Variants in PLPPR5 observed in about 807,000 individuals in gnomAD.
The protein encoded by PLPPR5 is phospholipid phosphatase-related protein type 5.
PLPPR5 carries 16 observed loss-of-function variants against 33.9 expected under a neutral mutation model. That is an observed-to-expected ratio of 0.47 (90% CI 0.32 to 0.72). The LOEUF (loss-of-function observed/expected upper bound fraction) is 0.72. Ranked by LOEUF, PLPPR5 falls within the 30% of genes least tolerant of loss-of-function variation. The probability of loss-of-function intolerance (pLI) is 0.03; values close to 1 mark genes in which losing one functional copy is unlikely to be tolerated. For synonymous variants in PLPPR5, 163 were observed against 150.3 expected, an observed-to-expected ratio of 1.08 and a Z score of -0.62; for missense variants, 301 against 406.7, an observed-to-expected ratio of 0.74 and a Z score of 2.23.
At chr1:98,970,999 T>A (rs1334550129) in intron 1 of PLPPR5, among the ~76,000 whole-genome samples, 1 of 152,146 alleles carries the variant, frequency 6.6e-6, no homozygotes, top group African/African-American at 2.4e-5. Flanking sequence ...TAAAAAATGC[T>A]TGATAAACCA....
chr1:98,947,333 C>A (rs1322709637), intron 3 of PLPPR5, among the ~76,000 whole-genome samples: 1 of 152,064 alleles, frequency 6.6e-6, no homozygotes, highest in African/African-American at 2.4e-5. Context: ...ACTGAAGAAC[C>A]AGAAAACCAT....
intron 3 of PLPPR5, among the ~76,000 whole-genome samples, chr1:98,938,175 T>G (rs1359310900): frequency 6.6e-6 from 1 of 152,046 alleles, no homozygotes; most frequent in Admixed American, 6.6e-5. Context: ...AAAAAAGACA[T>G]GATAGCATAG....
chr1:99,000,782 A>G (rs2100768982), intron 1 of PLPPR5, among the ~76,000 whole-genome samples: 1 of 152,238 alleles, frequency 6.6e-6, no homozygotes, highest in African/African-American at 2.4e-5. Context: ...TTCTGTCATA[A>G]TTACTTATAT....
chr1:98,961,908 G>T (rs1403653930), intron 1 of PLPPR5, among the ~76,000 whole-genome samples: 1 of 152,084 alleles, frequency 6.6e-6, no homozygotes, highest in Non-Finnish European at 1.5e-5. Flanking sequence ...CTCCACTAAG[G>T]AATCCTAAAT....
At chr1:98,985,309 T>A (rs1300989029) in intron 1 of PLPPR5, among the ~76,000 whole-genome samples, 1 of 152,046 alleles carries the variant, frequency 6.6e-6, no homozygotes, top group Non-Finnish European at 1.5e-5. Context: ...TATGCTGTTT[T>A]TCAGGTGCCC....
In PLPPR5 at chr1:98,921,982, A is replaced by G. The variant is rs1649571827; in HGVS notation, c.698T>C (p.Leu233Ser). 2 of 1,614,080 alleles carry G rather than the reference A, an allele frequency of 1.2e-6. No individual in the cohort carries two copies. The highest frequency in any genetic ancestry group is 1.7e-6 in the Non-Finnish European group (2 of 1,179,966). Residue 233 changes from leucine (L) to serine (S), a missense_variant, in exon 4 of 6, where the codon TTG becomes TCG. Physicochemically the swap from Leu to Ser is moderately radical, Grantham distance 145. Coordinates refer to ENST00000263177, the MANE Select transcript of PLPPR5 (RefSeq NM_001037317.2). The part of the protein sequence containing the change: ...KPVLCLGLMC[L>S]AFLTGLNRVA... ...TCTGTTGAGTCCAGTAAGAAATGCC[A>G]AACACATTAAGCCCAAGCATAGAAC...
chr1:98,997,548 G>A (rs1288093089), intron 1 of PLPPR5, among the ~76,000 whole-genome samples: 1 of 152,114 alleles, frequency 6.6e-6, no homozygotes, highest in Non-Finnish European at 1.5e-5. Flanking sequence ...AATACTCAGA[G>A]CTTATTGAAA....
chr1:98,943,521 G>A (rs2101195795), intron 3 of PLPPR5, among the ~76,000 whole-genome samples: 1 of 152,308 alleles, frequency 6.6e-6, no homozygotes, highest in Middle Eastern at 3.4e-3. Flanking sequence ...CCAGGCCAAA[G>A]TCTGGCTGAA....
chr1:98,899,591 T>A (rs1648609469), intron 5 of PLPPR5, among the ~76,000 whole-genome samples: 1 of 152,070 alleles, frequency 6.6e-6, no homozygotes, highest in African/African-American at 2.4e-5. Flanking sequence ...TTATATGTCA[T>A]GCTTAGAGTT....
At chr1:98,997,500 A>G (rs1404311316) in intron 1 of PLPPR5, among the ~76,000 whole-genome samples, 1 of 152,240 alleles carries the variant, frequency 6.6e-6, no homozygotes, top group Non-Finnish European at 1.5e-5. Context: ...ATTTCAAAGT[A>G]CAAAATGAAC....
At chr1:98,995,323 G>T (rs901227327) in intron 1 of PLPPR5, among the ~76,000 whole-genome samples, 39 of 152,106 alleles carry the variant, frequency 2.6e-4, no homozygotes, top group African/African-American at 8.4e-4. Flanking sequence ...GGTGAAGGGT[G>T]AGAGGAGGGT....
At chr1:98,988,531 A>G (rs1265796949) in intron 1 of PLPPR5, among the ~76,000 whole-genome samples, 1 of 152,112 alleles carries the variant, frequency 6.6e-6, no homozygotes, top group Non-Finnish European at 1.5e-5. Flanking sequence ...CAACTCTCTA[A>G]GAACAAGATC....
chr1:98,977,087 G>A (rs975865275), intron 1 of PLPPR5, among the ~76,000 whole-genome samples: 3 of 151,934 alleles, frequency 2.0e-5, no homozygotes, highest in African/African-American at 7.2e-5. Flanking sequence ...AATATGAGCA[G>A]AACTTTTAGA....
At chr1:98,895,733 G>A (rs1255969323) in intron 5 of PLPPR5, among the ~76,000 whole-genome samples, 3 of 151,954 alleles carry the variant, frequency 2.0e-5, no homozygotes, top group Admixed American at 1.3e-4. Context: ...CATCACTTAA[G>A]TTTTAACTTC....
intron 1 of PLPPR5, among the ~76,000 whole-genome samples, chr1:98,991,690 G>C (rs1408369496): frequency 6.6e-6 from 1 of 152,200 alleles, no homozygotes; most frequent in Non-Finnish European, 1.5e-5. Context: ...GTTGAGGTCA[G>C]TGAGGAGATT....
chr1:98,945,295 C>A (rs1001978510), intron 3 of PLPPR5, among the ~76,000 whole-genome samples: 1 of 152,182 alleles, frequency 6.6e-6, no homozygotes, highest in African/African-American at 2.4e-5. Context: ...AGTGCTTGAG[C>A]TACCTGGTCA....
intron 1 of PLPPR5, among the ~76,000 whole-genome samples, chr1:98,964,553 T>TGTCAACC (rs1651364872): frequency 6.6e-6 from 1 of 152,194 alleles, no homozygotes; most frequent in South Asian, 2.1e-4. Flanking sequence ...AGTGCAGAGC[T>TGTCAACC]GTCAACCCTT....
chr1:98,989,194 G>C (rs138827569), intron 1 of PLPPR5, among the ~76,000 whole-genome samples: 3 of 152,128 alleles, frequency 2.0e-5, no homozygotes, highest in Non-Finnish European at 4.4e-5. Flanking sequence ...AAAATGGGCA[G>C]AATCATCATA....
At chr1:98,939,286 A>C (rs78517355) in intron 3 of PLPPR5, among the ~76,000 whole-genome samples, 1,549 of 148,090 alleles carry the variant, frequency 0.01, 26 homozygotes, top group African/African-American at 0.036. Flanking sequence ...TAATTTTTCC[A>C]TATAGAGGAA....
Sources: gnomAD v4.1 joint callset for allele counts (sites outside exome capture counted in the v4.1 genomes callset) on GRCh38, gnomAD v4.1.1 for gene constraint, MANE v1.5 for transcripts, NCBI Gene and HGNC (gene_info 2026-07-23, HGNC 2026-07-21) for gene names.